The following PCDHGB7 variants were observed in gnomAD, a reference collection of about 807,000 sequenced individuals.
PCDHGB7 encodes the protein protocadherin gamma-B7.
Under a neutral mutation model 61.4 loss-of-function variants are expected in PCDHGB7, and 37 were observed. The ratio of observed to expected loss-of-function variants is 0.60; its 90% CI spans 0.46 to 0.79. PCDHGB7 has a LOEUF of 0.79. Ranked by LOEUF, PCDHGB7 falls within the 30% of genes least tolerant of loss-of-function variation. The pLI, the probability that PCDHGB7 is intolerant of heterozygous loss-of-function variation, is 0.00. For synonymous variants in PCDHGB7, 464 were observed against 503.5 expected (o/e 0.92, Z 1.05); for missense variants, 1,166 against 1,202.5 (o/e 0.97, Z 0.45).
intron 1 of PCDHGB7, chr5:141,421,678 G>C (rs903229017): frequency 3.7e-6 from 6 of 1,613,776 alleles, no homozygotes; most frequent in Non-Finnish European, 5.1e-6. Context: ...AATTCCTGGG[G>C]CGCGATTTGC....
chr5:141,473,776 T>C (rs1026169931), intron 1 of PCDHGB7, among the ~76,000 whole-genome samples: 1 of 152,214 alleles, frequency 6.6e-6, no homozygotes, highest in Non-Finnish European at 1.5e-5. Context: ...TTTGGTATTT[T>C]AATTCAAGAG....
chr5:141,482,380 C>A (rs2099557573), intron 1 of PCDHGB7, among the ~76,000 whole-genome samples: 1 of 151,712 alleles, frequency 6.6e-6, no homozygotes, highest in Non-Finnish European at 1.5e-5. Context: ...ATATAAAGTC[C>A]CTGTATGGAG....
intron 1 of PCDHGB7, chr5:141,430,850 A>T (rs1204872595): frequency 6.3e-7 from 1 of 1,582,670 alleles, no homozygotes; most frequent in South Asian, 1.2e-5. Context: ...ATGCACCCAG[A>T]TACGCTATTC....
chr5:141,490,837 G>A lies in PCDHGB7; in HGVS notation c.2416-3970G>A. On this transcript the variant is annotated intron_variant, in intron 1 of 3. Coordinates refer to ENST00000398594, the MANE Select transcript of PCDHGB7 (RefSeq NM_018927.4). This position sits in a 1 kb window ranked among gnomAD's most constrained non-coding sequence, Gnocchi z 5.4. ...TGAATTGCTGCAGATGCTGCAGATTGTGGTGGGGGTTCGAGACTCCGGCTC... is the reference window on the plus strand; with the variant it reads ...TGAATTGCTGCAGATGCTGCAGATTATGGTGGGGGTTCGAGACTCCGGCTC... The A allele has an allele frequency of 1.9e-6, 3 of 1,613,914 alleles. No homozygotes were observed. The highest frequency in any genetic ancestry group is 2.2e-5 in the South Asian group (2 of 91,072).
intron 1 of PCDHGB7, chr5:141,427,812 G>T: frequency 6.6e-7 from 1 of 1,524,404 alleles, no homozygotes; most frequent in Non-Finnish European, 9.0e-7. Flanking sequence ...CGCACAGAGC[G>T]GGGTGGTGGT....
chr5:141,427,205 C>T lies in PCDHGB7; in HGVS notation c.2415+6931C>T, dbSNP rs73280903. 3.4e-3 allele frequency: 1,562 copies of T among 456,606 alleles called. 21 individuals carry two copies. Among genetic ancestry groups the T allele is most frequent in the African/African-American group, 0.028 (1,422 of 50,136 alleles). 28.3% of individuals were successfully genotyped at this position (456,606 alleles called of 1,614,324 possible). Reference sequence around the variant, plus strand: ...TTAAATCCAAAGACTTAATAGACTTCGAATTTCGTAGCAGTTATACCATGA... The same window carrying T: ...TTAAATCCAAAGACTTAATAGACTTTGAATTTCGTAGCAGTTATACCATGA... On this transcript the variant is annotated intron_variant, in intron 1 of 3. Transcript: ENST00000398594.
chr5:141,473,848 A>T (rs1281010822), intron 1 of PCDHGB7, among the ~76,000 whole-genome samples: 1 of 152,198 alleles, frequency 6.6e-6, no homozygotes, highest in Non-Finnish European at 1.5e-5. Flanking sequence ...TTTTAGGAAG[A>T]TGAACCTCGC....
chr5:141,487,467 T>C lies in PCDHGB7; in HGVS notation c.2416-7340T>C. ...GATGACCCTATCAAGTTTGTTGATG[T>C]GGGAGGCCACTCTCATGGCTGTACA... On this transcript the variant is annotated intron_variant, in intron 1 of 3. Transcript: ENST00000398594. The surrounding 1 kb of genome is among the most constrained non-coding windows in gnomAD (Gnocchi z 5.0). 6.2e-7 allele frequency: 1 copy of C among 1,614,186 alleles called. No individual in the cohort carries two copies. The highest frequency in any genetic ancestry group is 8.5e-7 in the Non-Finnish European group (1 of 1,180,026).
intron 2 of PCDHGB7, among the ~76,000 whole-genome samples, chr5:141,498,825 C>A (rs2099786017): frequency 6.6e-6 from 1 of 151,974 alleles, no homozygotes; most frequent in Admixed American, 6.6e-5. Flanking sequence ...CCCAGCTACT[C>A]AGGAGGCTGA....
intron 1 of PCDHGB7, chr5:141,427,571 G>A: frequency 1.5e-6 from 1 of 662,942 alleles, no homozygotes. Flanking sequence ...GCAAGCCTCC[G>A]CTCTCATCCA....
intron 1 of PCDHGB7, among the ~76,000 whole-genome samples, 184 bp from the exon 2 acceptor site, chr5:141,494,623 C>A (rs2099755716): frequency 6.6e-6 from 1 of 152,146 alleles, no homozygotes; most frequent in Non-Finnish European, 1.5e-5. Flanking sequence ...GTTTCTGGTA[C>A]CTCAGACCTC....
intron 1 of PCDHGB7, among the ~76,000 whole-genome samples, chr5:141,429,903 T>C (rs1276564046): frequency 2.0e-5 from 3 of 152,252 alleles, no homozygotes; most frequent in African/African-American, 7.2e-5. Flanking sequence ...TAAATATTTT[T>C]GAAATATAAT....
At position 141,485,120 on chromosome 5, in the gene PCDHGB7, G is replaced by A. The variant is rs2099607447; in HGVS notation, c.2416-9687G>A. On this transcript the variant is annotated intron_variant, in intron 1 of 3. Coordinates refer to ENST00000398594, the MANE Select transcript of PCDHGB7 (RefSeq NM_018927.4). The surrounding 1 kb of genome is among the most constrained non-coding windows in gnomAD (Gnocchi z 5.7). ...TCCAGCTGCTGTGGCTGTTTGGGGC[G>A]GGTCGGCTTCATCCGCGTCTCAGGA... The A allele has an allele frequency of 1.5e-6, 2 of 1,348,050 alleles. No homozygotes were observed. Among genetic ancestry groups the A allele is most frequent in the Non-Finnish European group, 2.1e-6 (2 of 952,710 alleles). 83.5% of individuals were successfully genotyped at this position (1,348,050 alleles called of 1,614,324 possible).
intron 2 of PCDHGB7, among the ~76,000 whole-genome samples, chr5:141,499,265 C>T (rs1220250999): frequency 6.6e-6 from 1 of 152,128 alleles, no homozygotes; most frequent in African/African-American, 2.4e-5. Context: ...CATTTGGTCC[C>T]TAGACTGTTC....
rs1471863168 is a variant in PCDHGB7, at chr5:141,476,550, G to A, written c.2416-18257G>A. ...ACCCAGGAAATGAAATTGGAGATTA[G>A]CGAGGCCGTGGCTCCGGGGACGCGC... On this transcript the variant is annotated intron_variant, in intron 1 of 3. Transcript: ENST00000398594. The surrounding 1 kb of genome is among the most constrained non-coding windows in gnomAD (Gnocchi z 7.6). 1.2e-6 allele frequency: 2 copies of A among 1,614,110 alleles called. No individual in the cohort carries two copies. The highest frequency in any genetic ancestry group is 4.5e-5 in the East Asian group (2 of 44,884).
chr5:141,492,553 G>C (rs1184580300), intron 1 of PCDHGB7, among the ~76,000 whole-genome samples: 1 of 152,148 alleles, frequency 6.6e-6, no homozygotes, highest in Non-Finnish European at 1.5e-5. Flanking sequence ...CGGGTCGCCT[G>C]GGGGGCGGCC....
At chr5:141,478,395 T>C in intron 1 of PCDHGB7, 1 of 1,613,510 alleles carries the variant, frequency 6.2e-7, no homozygotes, top group Non-Finnish European at 8.5e-7. Flanking sequence ...TACCATCAGG[T>C]GTATCTCACC....
In PCDHGB7 at chr5:141,430,746, G is replaced by A. The variant is rs369205374; in HGVS notation, c.2415+10472G>A. ...TAAGGGCAGAATTGAAAATAATTCTGGAGGAAGATAAGAATGATTCCTGCG... is the reference window on the plus strand; with the variant it reads ...TAAGGGCAGAATTGAAAATAATTCTAGAGGAAGATAAGAATGATTCCTGCG... On this transcript the variant is annotated intron_variant, in intron 1 of 3. Coordinates refer to ENST00000398594, the MANE Select transcript of PCDHGB7 (RefSeq NM_018927.4). 3.3e-5 allele frequency: 49 copies of A among 1,500,684 alleles called. No homozygotes were observed. The African/African-American group carries it at 6.3e-4, about 19-fold the overall frequency. The allele number at this position is 1,500,684 out of a possible 1,614,324, so 93.0% of individuals were successfully genotyped here.
rs753358324 is a variant in PCDHGB7, at chr5:141,487,328, G to A, written c.2416-7479G>A. On this transcript the variant is annotated intron_variant, in intron 1 of 3. Transcript: ENST00000398594. This position sits in a 1 kb window ranked among gnomAD's most constrained non-coding sequence, Gnocchi z 5.0. ...ACTACTCTCTAAGTGTCTTCGTGGG[G>A]CAGCCTGTGGAGTCACATGCTTTCC... 1.2e-6 allele frequency: 2 copies of A among 1,613,962 alleles called. No individual in the cohort carries two copies. The highest frequency in any genetic ancestry group is 2.2e-5 in the East Asian group (1 of 44,874).
Sources: gnomAD v4.1 joint callset for allele counts (sites outside exome capture counted in the v4.1 genomes callset) on GRCh38, gnomAD v4.1.1 for gene constraint, Gnocchi (gnomAD v3.1) non-coding constraint, MANE v1.5 for transcripts, NCBI Gene and HGNC (gene_info 2026-07-23, HGNC 2026-07-21) for gene names.